Variants in TRPM3 observed in about 807,000 individuals in gnomAD.
The protein encoded by TRPM3 is transient receptor potential cation channel subfamily M member 3.
TRPM3 carries 77 observed loss-of-function variants against 181.2 expected under a neutral mutation model. The observed-to-expected ratio is 0.42, with a 90% CI of 0.35 to 0.51. The LOEUF (loss-of-function observed/expected upper bound fraction) is 0.51, where lower values mean the gene tolerates loss of function less well. Among genes scored for constraint, TRPM3 ranks in the 20% least tolerant of loss-of-function variants. TRPM3 has a pLI of 0.01. For missense variants in TRPM3, 1,759 were observed against 2,196.7 expected (o/e 0.80, Z 3.98); for synonymous variants, 745 against 796.4 (o/e 0.94, Z 1.09).
At chr9:70,955,990 ATTAG>A (rs2097065414) in intron 1 of TRPM3, among the ~76,000 whole-genome samples, 1 of 152,210 alleles carries the variant, frequency 6.6e-6, no homozygotes, top group South Asian at 2.1e-4. Flanking sequence ...GCCAATATCA[ATTAG>A]TTAGTGGTCT....
Position 70,827,891 on chromosome 9 carries a change from C to T in TRPM3, c.929G>A (p.Arg310Gln), listed in dbSNP as rs764482582. Residue 310 changes from arginine (R) to glutamine (Q), a missense_variant, in exon 6 of 26, where the codon CGA becomes CAA. By Grantham distance (43) the Arg-to-Gln change is conservative. Around this residue, in one of 8 missense-constraint regions of TRPM3, gnomAD observed 737 missense variants for 957.4 expected, o/e 0.77. Coordinates refer to ENST00000677713, the MANE Select transcript of TRPM3 (RefSeq NM_001366145.2). ...TGKYGAEVKL[R>Q]RQLEKHISLQ... ...TGAAATATGCTTTTCCAGTTGTCTTCGAAGTTTCACCTCTGCTCCATATTT... is the reference window on the plus strand; with the variant it reads ...TGAAATATGCTTTTCCAGTTGTCTTTGAAGTTTCACCTCTGCTCCATATTT... The T allele has an allele frequency of 2.5e-6, 4 of 1,613,966 alleles. No homozygotes were observed. The highest frequency in any genetic ancestry group is 2.5e-6 in the Non-Finnish European group (3 of 1,179,980).
At chr9:71,029,556 C>G (rs1025698588) in intron 1 of TRPM3, among the ~76,000 whole-genome samples, 6 of 152,090 alleles carry the variant, frequency 3.9e-5, no homozygotes, top group African/African-American at 1.4e-4. Context: ...TTAAATGTTA[C>G]ATGAAATATG....
intron 1 of TRPM3, among the ~76,000 whole-genome samples, chr9:71,194,450 C>T (rs943986442): frequency 2.6e-5 from 4 of 151,834 alleles, no homozygotes; most frequent in African/African-American, 9.7e-5. Context: ...GAATGCATTC[C>T]ACTTCTGGAT....
chr9:71,334,463 A>G (rs911645042), intron 1 of TRPM3, among the ~76,000 whole-genome samples: 1 of 150,450 alleles, frequency 6.6e-6, no homozygotes, highest in African/African-American at 2.4e-5. Context: ...TTAAGACAAA[A>G]TATTTCTATA....
At chr9:70,682,614 C>T (rs959834529) in intron 8 of TRPM3, among the ~76,000 whole-genome samples, 5 of 152,122 alleles carry the variant, frequency 3.3e-5, no homozygotes, top group Non-Finnish European at 7.4e-5. Context: ...ACATAAACAA[C>T]ATAGTTATGT....
At chr9:70,861,465 T>C (rs1589328181) in intron 3 of TRPM3, among the ~76,000 whole-genome samples, 1 of 152,180 alleles carries the variant, frequency 6.6e-6, no homozygotes, top group African/African-American at 2.4e-5. Context: ...GACACGAGGC[T>C]TGCAGGCAGT....
At chr9:71,445,543 C>A (rs967411594) in intron 1 of TRPM3, among the ~76,000 whole-genome samples, 5 of 152,248 alleles carry the variant, frequency 3.3e-5, no homozygotes, top group Admixed American at 1.3e-4. Flanking sequence ...AAACAAGCAA[C>A]CAAAATAAAC....
chr9:70,909,283 T>C (rs777511057), intron 1 of TRPM3, among the ~76,000 whole-genome samples: 4 of 152,230 alleles, frequency 2.6e-5, no homozygotes, highest in Non-Finnish European at 5.9e-5. Flanking sequence ...AGCTCTTATC[T>C]GTCATTGTCC....
At chr9:70,688,590 A>C (rs761366734) in intron 8 of TRPM3, among the ~76,000 whole-genome samples, 21 of 151,888 alleles carry the variant, frequency 1.4e-4, no homozygotes, top group Admixed American at 7.2e-4. Flanking sequence ...TGCTGACTGC[A>C]CTCCCACCAT....
intron 7 of TRPM3, chr9:70,775,721 A>G (rs1162300567): frequency 6.6e-6 from 1 of 152,154 alleles, no homozygotes; most frequent in Admixed American, 6.6e-5. Flanking sequence ...TTTGAAATGC[A>G]AATTACCTGA....
At position 70,537,410 on chromosome 9, in the gene TRPM3, G is replaced by A. The variant is rs772068302; in HGVS notation, c.3708-5C>T. On this transcript the variant is annotated splice_region_variant and splice_polypyrimidine_tract_variant and intron_variant, in intron 25 of 25. Coordinates refer to ENST00000677713, the MANE Select transcript of TRPM3 (RefSeq NM_001366145.2). Reference sequence around the variant, plus strand: ...CGCATAGACATGTTCTCCACCCTGCGCGAGGAAGAGAGAATGAGAGTCACT... The same window carrying A: ...CGCATAGACATGTTCTCCACCCTGCACGAGGAAGAGAGAATGAGAGTCACT... The A allele has an allele frequency of 1.0e-5, 15 of 1,442,478 alleles. No homozygotes were observed. Among genetic ancestry groups the A allele is most frequent in the African/African-American group, 1.4e-5 (1 of 70,600 alleles). The allele number at this position is 1,442,478 out of a possible 1,614,324, so 89.4% of individuals were successfully genotyped here.
intron 6 of TRPM3, among the ~76,000 whole-genome samples, chr9:70,807,468 A>G (rs1441435696): frequency 6.6e-6 from 1 of 152,120 alleles, no homozygotes; most frequent in Non-Finnish European, 1.5e-5. Context: ...TTATTGCTTT[A>G]TGATTTGTCC....
intron 6 of TRPM3, among the ~76,000 whole-genome samples, chr9:70,822,031 A>T (rs2093214953): frequency 6.6e-6 from 1 of 152,192 alleles, no homozygotes; most frequent in African/African-American, 2.4e-5. Context: ...CCTAATCTTC[A>T]ACACCTTCTC....
chr9:71,155,914 C>G (rs554145912), intron 1 of TRPM3, among the ~76,000 whole-genome samples: 131 of 152,164 alleles, frequency 8.6e-4, no homozygotes, highest in African/African-American at 2.9e-3. Context: ...AGAAATCACC[C>G]AGGGAAAGTG....
At chr9:70,785,221 C>A (rs1241640732) in intron 6 of TRPM3, among the ~76,000 whole-genome samples, 1 of 152,144 alleles carries the variant, frequency 6.6e-6, no homozygotes, top group African/African-American at 2.4e-5. Flanking sequence ...TTATGCTGAG[C>A]CAGAAGACAT....
At chr9:70,815,160 G>T (rs1487932768) in intron 6 of TRPM3, among the ~76,000 whole-genome samples, 1 of 152,054 alleles carries the variant, frequency 6.6e-6, no homozygotes, top group East Asian at 1.9e-4. Context: ...GTTGTACTAT[G>T]TACAACTTTT....
At chr9:70,578,342 A>C (rs1215164241) in intron 22 of TRPM3, among the ~76,000 whole-genome samples, 2 of 151,696 alleles carry the variant, frequency 1.3e-5, no homozygotes, top group Admixed American at 6.6e-5. Context: ...TCTTAGATGC[A>C]AACTTGAGAA....
intron 1 of TRPM3, among the ~76,000 whole-genome samples, chr9:70,916,789 C>T (rs2096599706): frequency 6.6e-6 from 1 of 152,180 alleles, no homozygotes; most frequent in African/African-American, 2.4e-5. Context: ...TGCTTCAGCT[C>T]AGCAAGAATA....
intron 1 of TRPM3, among the ~76,000 whole-genome samples, chr9:71,136,248 G>A (rs761393954): frequency 2.6e-5 from 4 of 152,208 alleles, no homozygotes; most frequent in Non-Finnish European, 5.9e-5. Context: ...CAATTATGTA[G>A]CTAGTGGCTC....
Sources: allele counts gnomAD v4.1 joint callset (sites outside exome capture counted in the v4.1 genomes callset), GRCh38; gene constraint gnomAD v4.1.1; regional missense constraint gnomAD v4.1.1; transcripts MANE v1.5; gene names NCBI Gene and HGNC (gene_info 2026-07-23, HGNC 2026-07-21).